Variants in WIPF1 observed in about 807,000 individuals in gnomAD.
WIPF1 encodes the protein WAS/WASL interacting protein family member 1.
A neutral mutation model predicts 35.4 loss-of-function variants in WIPF1; 13 were observed. That is an observed-to-expected ratio of 0.37 (90% CI 0.24 to 0.58). WIPF1 has a LOEUF of 0.58. Ranked by LOEUF, WIPF1 falls within the 20% of genes least tolerant of loss-of-function variation. The pLI is 0.74. For synonymous variants in WIPF1, 267 were observed against 266.3 expected, an observed-to-expected ratio of 1.00 and a Z score of -0.02; for missense variants, 591 against 667.0, an observed-to-expected ratio of 0.89 and a Z score of 1.25.
At chr2:174,600,180 C>A (rs568239380), upstream of WIPF1, among the ~76,000 whole-genome samples, 1 of 152,250 alleles carries the variant, frequency 6.6e-6, no homozygotes, top group Admixed American at 6.5e-5. Context: ...TGGTTGGAGA[C>A]CCCTACCTTA....
At position 174,621,215 on chromosome 2, in the gene WIPF1, G is replaced by A. The variant is rs926659689; in HGVS notation, c.-38-35604C>T. Among the ~76,000 whole-genome samples the A allele has an allele frequency of 4.6e-5, 7 of 152,150 alleles. No homozygotes were observed. The South Asian group carries it at 1.2e-3, about 27-fold the overall frequency. On this transcript the variant is annotated intron_variant, in intron 1 of 8. Coordinates refer to the WIPF1 transcript ENST00000272746. The stretch of plus-strand genomic sequence containing the variant: ...GAGAGGCAGAATAAATATGAAAGAG[G>A]AGATGAGTTTGAGTAATATATATTA...
chr2:174,652,146 C>T (rs910616482), intron 1 of WIPF1, among the ~76,000 whole-genome samples: 2 of 152,140 alleles, frequency 1.3e-5, no homozygotes, highest in Admixed American at 1.3e-4. Flanking sequence ...TCATTTCTGC[C>T]GTACTCCCTT....
intron 1 of WIPF1, 38 bp from the exon 2 acceptor site, chr2:174,585,649 T>C: frequency 7.1e-7 from 1 of 1,414,464 alleles, no homozygotes; most frequent in Middle Eastern, 1.8e-4. Flanking sequence ...TTAGATGTAA[T>C]CTTAGTAATA....
chr2:174,567,707 G>T (rs1684704868), intron 6 of WIPF1, among the ~76,000 whole-genome samples, 154 bp downstream of exon 6: 1 of 152,234 alleles, frequency 6.6e-6, no homozygotes, highest in Admixed American at 6.5e-5. Flanking sequence ...TGAAATCATG[G>T]TGGGCCTTAG....
intron 1 of WIPF1, among the ~76,000 whole-genome samples, chr2:174,626,887 T>A (rs553762227): frequency 1.3e-5 from 2 of 152,284 alleles, no homozygotes; most frequent in South Asian, 4.1e-4. Flanking sequence ...AAATTTAAAG[T>A]CAGATCATTG....
At chr2:174,595,109 A>AAAAT (rs1553529785) in intron 1 of WIPF1, among the ~76,000 whole-genome samples, 33 of 57,744 alleles carry the variant, frequency 5.7e-4, no homozygotes, top group African/African-American at 1.1e-3. Flanking sequence ...AAAAAAAAAA[A>AAAAT]ATATATATAT....
At chr2:174,620,727 A>ATT (rs1686648330) in intron 1 of WIPF1, among the ~76,000 whole-genome samples, 1 of 152,198 alleles carries the variant, frequency 6.6e-6, no homozygotes, top group Non-Finnish European at 1.5e-5. Context: ...ATGTGAGCAA[A>ATT]TCATCACAGT....
At chr2:174,671,171 T>A (rs774223796) in intron 1 of WIPF1, among the ~76,000 whole-genome samples, 1 of 152,228 alleles carries the variant, frequency 6.6e-6, no homozygotes, top group Non-Finnish European at 1.5e-5. Flanking sequence ...GAACATAAGT[T>A]GTGAAGATTT....
intron 1 of WIPF1, among the ~76,000 whole-genome samples, chr2:174,640,725 T>C (rs1264739951): frequency 2.6e-5 from 4 of 151,788 alleles, no homozygotes; most frequent in African/African-American, 9.7e-5. Flanking sequence ...ACTCGTCATT[T>C]ACATAAGGTA....
chr2:174,608,810 A>C (rs1201682472), intron 1 of WIPF1, among the ~76,000 whole-genome samples: 1 of 152,230 alleles, frequency 6.6e-6, no homozygotes, highest in African/African-American at 2.4e-5. Context: ...GGGCTGGTGA[A>C]AGTAGCCATA....
chr2:174,661,653 C>G (rs1156744956), intron 1 of WIPF1, among the ~76,000 whole-genome samples: 1 of 152,196 alleles, frequency 6.6e-6, no homozygotes, highest in Non-Finnish European at 1.5e-5. Flanking sequence ...CCTGCATAAG[C>G]ATCTGTTTGT....
rs149582370 is a variant in WIPF1 at position 174,671,229 on chromosome 2, C to T, written c.-39+11545G>A. Among the ~76,000 whole-genome samples, 1,092 of 152,308 alleles carry T rather than the reference C, an allele frequency of 7.2e-3. 17 individuals are homozygous for T. The highest frequency in any genetic ancestry group is 0.025 in the African/African-American group (1,046 of 41,562). ...AAATTAACACTTTTATAATTTCTTA[C>T]GCCTGTCTTTACTGAAATCTCTGAA... On this transcript the variant is annotated intron_variant, in intron 1 of 8. Transcript: ENST00000272746.
chr2:174,675,624 G>GA (rs1442804778), intron 1 of WIPF1, among the ~76,000 whole-genome samples: 1 of 152,148 alleles, frequency 6.6e-6, no homozygotes, highest in African/African-American at 2.4e-5. Context: ...AAAGTGCTGG[G>GA]ATTACAGGTG....
rs547232869 is a variant in WIPF1 at position 174,650,367 on chromosome 2, T to C, written c.-39+32407A>G. Among the ~76,000 whole-genome samples the C allele has an allele frequency of 2.6e-5, 4 of 152,380 alleles. No homozygotes were observed. In the South Asian group the frequency reaches 8.3e-4, roughly 32 times the overall value. ...AATCTGCAGTTTAGTTTGACAGTTT[T>C]ATAAATGATCAGTTCACTCTGTGTA... On this transcript the variant is annotated intron_variant, in intron 1 of 8. Transcript: ENST00000272746.
At chr2:174,636,125 G>C (rs1490417010) in intron 1 of WIPF1, among the ~76,000 whole-genome samples, 1 of 152,054 alleles carries the variant, frequency 6.6e-6, no homozygotes, top group Non-Finnish European at 1.5e-5. Context: ...TAAGAACTTT[G>C]GAAAAACAAA....
Position 174,571,959 on chromosome 2 carries a change from A to T in WIPF1, c.846T>A (p.Val282=). ...TGTTGTTCTGAGGAGGAGGAGGGGG[A>T]ACCGCTTCCCTGTGGATGGAGGGCC... ...GNRPSIHREA[V]PPPPPQNNKP... Residue 282 remains valine (V), a synonymous_variant, in exon 5 of 8, where the codon GTT becomes GTA. Transcript: ENST00000679041. This position sits in a 1 kb window ranked among gnomAD's most constrained non-coding sequence, Gnocchi z 4.6. The T allele has an allele frequency of 6.4e-7, 1 of 1,571,536 alleles. No individual in the cohort carries two copies. Among genetic ancestry groups the T allele is most frequent in the Admixed American group, 1.8e-5 (1 of 54,140 alleles).
At chr2:174,652,921 G>A (rs757920098) in intron 1 of WIPF1, among the ~76,000 whole-genome samples, 1 of 151,858 alleles carries the variant, frequency 6.6e-6, no homozygotes, top group Non-Finnish European at 1.5e-5. Context: ...TAGTTCTGTT[G>A]GTCTGTTTTC....
intron 1 of WIPF1, among the ~76,000 whole-genome samples, chr2:174,642,408 G>A (rs1346556754): frequency 3.2e-5 from 4 of 126,146 alleles, no homozygotes; most frequent in Non-Finnish European, 6.4e-5. Context: ...GTGCAGTGGC[G>A]CAATCACGGC....
chr2:174,640,225 G>A (rs1179249436), intron 1 of WIPF1, among the ~76,000 whole-genome samples: 6 of 150,948 alleles, frequency 4.0e-5, no homozygotes, highest in Admixed American at 3.9e-4. Context: ...CTTAACCAAG[G>A]TGAAAGAAGT....
Sources: gnomAD v4.1 joint callset for allele counts (sites outside exome capture counted in the v4.1 genomes callset) on GRCh38, gnomAD v4.1.1 for gene constraint, Gnocchi (gnomAD v3.1) non-coding constraint, MANE v1.5 for transcripts, NCBI Gene and HGNC (gene_info 2026-07-23, HGNC 2026-07-21) for gene names.